The following RELN variants were observed in gnomAD, a reference collection of about 807,000 sequenced individuals.
RELN encodes reelin.
In RELN, 108 loss-of-function variants were observed where a neutral mutation model predicts 427.6. The observed-to-expected ratio is 0.25, with a 90% confidence interval of 0.22 to 0.30. The LOEUF (loss-of-function observed/expected upper bound fraction) is 0.30, where lower values mean the gene tolerates loss of function less well. Among genes scored for constraint, RELN ranks in the 10% least tolerant of loss-of-function variants. The pLI is 1.00. For missense variants in RELN, 3,715 were observed against 4,302.8 expected, an observed-to-expected ratio of 0.86 and a Z score of 3.82; for synonymous variants, 1,524 against 1,513.4, an observed-to-expected ratio of 1.01 and a Z score of -0.16.
intron 6 of RELN, among the ~76,000 whole-genome samples, chr7:103,732,614 G>A (rs1282780363): frequency 6.6e-6 from 1 of 152,080 alleles, no homozygotes; most frequent in African/African-American, 2.4e-5. Context: ...TGATCCATGT[G>A]AAAGACGAGA....
chr7:103,541,785 T>A (rs867212158), intron 43 of RELN, among the ~76,000 whole-genome samples: 1 of 152,174 alleles, frequency 6.6e-6, no homozygotes. Context: ...CTAATAAAAA[T>A]CTGAAATAAG....
chr7:103,718,049 A>G (rs1441792671), intron 8 of RELN, among the ~76,000 whole-genome samples: 1 of 152,178 alleles, frequency 6.6e-6, no homozygotes, highest in African/African-American at 2.4e-5. Flanking sequence ...CTTTACATCT[A>G]TTAAAGAAAA....
intron 1 of RELN, among the ~76,000 whole-genome samples, chr7:103,960,091 G>C (rs1796516765): frequency 6.6e-6 from 1 of 152,126 alleles, no homozygotes; most frequent in South Asian, 2.1e-4. Context: ...CAGCCAGAAT[G>C]ATCTTTTTGA....
intron 17 of RELN, among the ~76,000 whole-genome samples, chr7:103,637,449 T>C (rs1832606637): frequency 6.6e-6 from 1 of 152,164 alleles, no homozygotes; most frequent in South Asian, 2.1e-4. Context: ...CTACTGAGAC[T>C]TGGGTCTATG....
chr7:103,562,052 C>T, intron 34 of RELN, 99 bp from the exon 35 acceptor site: 1 of 1,412,764 alleles, frequency 7.1e-7, no homozygotes, highest in Non-Finnish European at 9.7e-7. Context: ...CTTTAAAGTG[C>T]CTTCCTCCAG....
At chr7:103,916,269 A>G (rs1224007389) in intron 2 of RELN, among the ~76,000 whole-genome samples, 2 of 152,230 alleles carry the variant, frequency 1.3e-5, no homozygotes, top group East Asian at 3.8e-4. Context: ...GAAAAAAATA[A>G]AATGTTGAAC....
Position 103,539,256 on chromosome 7 carries a change from T to C in RELN, c.7002A>G (p.Lys2334=), listed in dbSNP as rs1156246545. The part of the protein sequence containing the change: ...EDDFTTLDSR[K]WLLHPGGTKM... The stretch of plus-strand genomic sequence containing the variant: ...TGGTGCCTCCTGGGTGAAGCAGCCA[T>C]TTCCTACTATCAAGGGTTGTGAAAT... The change falls in exon 45 of 65, where the codon AAA becomes AAG. Residue 2334 remains lysine (K), a synonymous_variant. Coordinates refer to ENST00000428762, the MANE Select transcript of RELN (RefSeq NM_005045.4). 1 of 1,614,228 alleles carries C rather than the reference T, an allele frequency of 6.2e-7. No individual in the cohort carries two copies. Among genetic ancestry groups the C allele is most frequent in the Non-Finnish European group, 8.5e-7 (1 of 1,180,032 alleles).
intron 51 of RELN, among the ~76,000 whole-genome samples, chr7:103,506,755 C>T (rs1167100923): frequency 6.6e-6 from 1 of 152,148 alleles, no homozygotes; most frequent in Non-Finnish European, 1.5e-5. Flanking sequence ...AATTAAAAGA[C>T]ACAGACTAGC....
intron 6 of RELN, among the ~76,000 whole-genome samples, chr7:103,730,565 C>G (rs569948513): frequency 1.3e-5 from 2 of 151,798 alleles, no homozygotes; most frequent in Non-Finnish European, 2.9e-5. Flanking sequence ...ATCCACTAGA[C>G]GCTTCTCTTC....
chr7:103,845,646 T>G (rs1262079699), intron 2 of RELN, among the ~76,000 whole-genome samples: 1 of 152,218 alleles, frequency 6.6e-6, no homozygotes, highest in Non-Finnish European at 1.5e-5. Context: ...CCATGTAATT[T>G]TTTTAATGAT....
intron 36 of RELN, among the ~76,000 whole-genome samples, chr7:103,560,839 A>T (rs1830625863): frequency 6.6e-6 from 1 of 152,210 alleles, no homozygotes. Flanking sequence ...AAAAAGTTCC[A>T]GGGTATCTAA....
chr7:103,911,415 A>G (rs1329066977), intron 2 of RELN, among the ~76,000 whole-genome samples: 5 of 140,088 alleles, frequency 3.6e-5, no homozygotes, highest in African/African-American at 1.4e-4. Context: ...GGGACTGTAA[A>G]CTAGTTCAAC....
chr7:103,748,927 T>C (rs1235671559), intron 6 of RELN, among the ~76,000 whole-genome samples: 1 of 152,206 alleles, frequency 6.6e-6, no homozygotes, highest in Non-Finnish European at 1.5e-5. Context: ...ATTTATGTAT[T>C]AGACAAGCTT....
At chr7:103,540,023 G>C (rs1299072259) in intron 44 of RELN, among the ~76,000 whole-genome samples, 174 bp downstream of exon 44, 2 of 152,222 alleles carry the variant, frequency 1.3e-5, no homozygotes, top group African/African-American at 4.8e-5. Flanking sequence ...AAGGAATAGA[G>C]AATGAAAGGA....
intron 2 of RELN, among the ~76,000 whole-genome samples, chr7:103,883,735 A>G (rs1584330207): frequency 6.6e-6 from 1 of 152,212 alleles, no homozygotes; most frequent in East Asian, 1.9e-4. Flanking sequence ...TGGGACATGA[A>G]GGACCTTTTC....
intron 3 of RELN, among the ~76,000 whole-genome samples, chr7:103,814,325 G>A (rs933494417): frequency 5.9e-5 from 9 of 152,192 alleles, no homozygotes; most frequent in East Asian, 1.9e-4. Flanking sequence ...GAAAATGACA[G>A]ATGAAAGACG....
intron 2 of RELN, among the ~76,000 whole-genome samples, chr7:103,853,490 T>C (rs563166091): frequency 6.6e-6 from 1 of 152,122 alleles, no homozygotes; most frequent in South Asian, 2.1e-4. Flanking sequence ...ATATTATCTT[T>C]CATGTGAATT....
At chr7:103,476,527 T>C (rs1167534425) in intron 64 of RELN, among the ~76,000 whole-genome samples, 1 of 152,118 alleles carries the variant, frequency 6.6e-6, no homozygotes, top group Admixed American at 6.6e-5. Flanking sequence ...TATCAAAGCA[T>C]CGTGGAAACT....
At chr7:103,601,118 G>A (rs1249167281) in intron 24 of RELN, among the ~76,000 whole-genome samples, 1 of 151,870 alleles carries the variant, frequency 6.6e-6, no homozygotes, top group African/African-American at 2.4e-5. Flanking sequence ...GTTAAAATGT[G>A]TGTGTGTGTG....
Sources: gnomAD v4.1 joint callset for allele counts (sites outside exome capture counted in the v4.1 genomes callset) on GRCh38, gnomAD v4.1.1 for gene constraint, MANE v1.5 for transcripts, NCBI Gene and HGNC (gene_info 2026-07-23, HGNC 2026-07-21) for gene names.